AGK: variants seen among roughly 807,000 people sequenced by gnomAD.
AGK encodes acylglycerol kinase, mitochondrial.
Under a neutral mutation model 66.4 loss-of-function variants are expected in AGK, and 52 were observed. That is an observed-to-expected ratio of 0.78 (90% confidence interval 0.63 to 0.99). The LOEUF is 0.99. Among genes scored for constraint, AGK ranks in the 50% least tolerant of loss-of-function variants. The pLI, the probability that AGK is intolerant of heterozygous loss-of-function variation, is 0.00. For synonymous variants in AGK, 182 were observed against 181.1 expected (o/e 1.00, Z -0.04); for missense variants, 451 against 506.6 (o/e 0.89, Z 1.05).
At chr7:141,647,341 CTA>C (rs1369318405) in intron 13 of AGK, among the ~76,000 whole-genome samples, 3 of 152,182 alleles carry the variant, frequency 2.0e-5, no homozygotes, top group African/African-American at 7.2e-5. Context: ...TCGCCATGGT[CTA>C]TGAGGCTCTG....
chr7:141,560,746 A>G (rs1262239627), intron 2 of AGK, among the ~76,000 whole-genome samples: 1 of 151,108 alleles, frequency 6.6e-6, no homozygotes. Context: ...TACTTCGCTT[A>G]GAGTAATGGT....
chr7:141,589,322 A>C (rs891331249), intron 2 of AGK, among the ~76,000 whole-genome samples: 9 of 152,248 alleles, frequency 5.9e-5, no homozygotes, highest in Non-Finnish European at 1.2e-4. Context: ...ACTTGGTACA[A>C]GGTAGTTGCT....
chr7:141,650,120 T>G (rs540076365), intron 14 of AGK, among the ~76,000 whole-genome samples: 2 of 152,374 alleles, frequency 1.3e-5, no homozygotes, highest in East Asian at 3.9e-4. Flanking sequence ...GGATCACACA[T>G]TTCTGCTGCA....
Position 141,633,963 on chromosome 7 carries a change from T to C in AGK, c.651T>C (p.Ala217=). Residue 217 remains alanine, a synonymous_variant, in exon 10 of 16, where the codon GCT becomes GCC. Coordinates refer to ENST00000649286, the MANE Select transcript of AGK (RefSeq NM_018238.4). ...TTCGATGGGGATCTTTCAGAGATGC[T>C]GGCGTCAAAGTTAGCAAGTAAAGGA... ...TGLRWGSFRD[A]GVKVSKYWYL... is the part of the protein sequence containing the mutation. 1 of 1,614,006 alleles carries C rather than the reference T, an allele frequency of 6.2e-7. No individual in the cohort carries two copies. Among genetic ancestry groups the C allele is most frequent in the Non-Finnish European group, 8.5e-7 (1 of 1,179,856 alleles).
At chr7:141,618,139 G>T (rs536721386) in intron 8 of AGK, among the ~76,000 whole-genome samples, 9 of 152,292 alleles carry the variant, frequency 5.9e-5, no homozygotes, top group African/African-American at 2.2e-4. Context: ...ACTGGTTTAG[G>T]TGGATTTGAT....
intron 10 of AGK, 105 bp downstream of exon 10, chr7:141,634,085 G>A: frequency 1.0e-6 from 1 of 968,910 alleles, no homozygotes; most frequent in Non-Finnish European, 1.6e-6. Context: ...TAAATTTGGT[G>A]GGCCTGGAGG....
At chr7:141,640,337 G>T (rs1272417888) in intron 11 of AGK, among the ~76,000 whole-genome samples, 1 of 152,142 alleles carries the variant, frequency 6.6e-6, no homozygotes, top group Non-Finnish European at 1.5e-5. Context: ...GACAAGGACA[G>T]CTGCTGTCAG....
intron 2 of AGK, among the ~76,000 whole-genome samples, chr7:141,577,825 T>C (rs1290218302): frequency 6.6e-6 from 1 of 151,126 alleles, no homozygotes; most frequent in East Asian, 1.9e-4. Flanking sequence ...CTTCTTTTTT[T>C]TTTTTTTTTT....
rs181536665 is a variant in AGK at position 141,578,143 on chromosome 7, C to A, written c.102-15003C>A. Among the ~76,000 whole-genome samples, 19 of 152,204 alleles carry A rather than the reference C, an allele frequency of 1.2e-4. No homozygotes were observed. The East Asian group carries it at 2.9e-3, about 23-fold the overall frequency. ...TGTGAGCAATAAAGCTTTTTAATCA[C>A]CTGGGTGCAGGCGGGCTGAGTCCAA... is the stretch of plus-strand genomic sequence containing the variant. On this transcript the variant is annotated intron_variant, in intron 2 of 15. Coordinates refer to ENST00000649286, the MANE Select transcript of AGK (RefSeq NM_018238.4).
intron 2 of AGK, among the ~76,000 whole-genome samples, chr7:141,575,654 CTTTT>C (rs58292692): frequency 0.022 from 1,258 of 58,068 alleles, 15 homozygotes; most frequent in South Asian, 0.11. Flanking sequence ...TTACAAAGGC[CTTTT>C]TTTTTTTTTT....
intron 13 of AGK, among the ~76,000 whole-genome samples, chr7:141,647,807 A>G (rs76141062): frequency 7.2e-5 from 11 of 152,052 alleles, no homozygotes; most frequent in Non-Finnish European, 1.5e-4. Context: ...AGTAGCTGGG[A>G]TTACAGGCGC....
At chr7:141,652,690 T>G in intron 15 of AGK, 97 bp from the exon 16 acceptor site, 1 of 1,340,762 alleles carries the variant, frequency 7.5e-7, no homozygotes. Context: ...AGGATGTTGT[T>G]TTCCATAATG....
intron 7 of AGK, 130 bp downstream of exon 7, chr7:141,614,308 G>A (rs2116961120): frequency 1.6e-6 from 1 of 629,714 alleles, no homozygotes; most frequent in Non-Finnish European, 2.5e-6. Flanking sequence ...TTGAATTTTA[G>A]AAAAGAAAAT....
At chr7:141,564,994 C>CA (rs1207657355) in intron 2 of AGK, among the ~76,000 whole-genome samples, 1 of 152,084 alleles carries the variant, frequency 6.6e-6, no homozygotes, top group Non-Finnish European at 1.5e-5. Flanking sequence ...CCCAAAGGGC[C>CA]GGGATTAAGG....
chr7:141,580,288 A>G (rs761680253), intron 2 of AGK, among the ~76,000 whole-genome samples: 4 of 152,064 alleles, frequency 2.6e-5, no homozygotes, highest in South Asian at 4.1e-4. Flanking sequence ...GGTAGCTTCA[A>G]TGATAGATGT....
intron 2 of AGK, among the ~76,000 whole-genome samples, chr7:141,586,776 A>T (rs1796002853): frequency 6.6e-6 from 1 of 151,978 alleles, no homozygotes; most frequent in African/African-American, 2.4e-5. Flanking sequence ...GATAAGGAAA[A>T]TTTTTCCTCA....
chr7:141,569,519 G>C (rs569042665), intron 2 of AGK, among the ~76,000 whole-genome samples: 131 of 152,242 alleles, frequency 8.6e-4, no homozygotes, highest in Admixed American at 1.4e-3. Flanking sequence ...GGGCAACAGA[G>C]CAGGACTCTG....
intron 5 of AGK, among the ~76,000 whole-genome samples, chr7:141,607,199 T>C (rs554495060): frequency 2.6e-4 from 39 of 152,202 alleles, no homozygotes; most frequent in Non-Finnish European, 7.4e-5. Context: ...CTGGATAATA[T>C]GATAAGACTA....
chr7:141,615,545 C>T lies in AGK; in HGVS notation c.498C>T (p.Ala166=), dbSNP rs748557845. 9.3e-6 allele frequency: 15 copies of T among 1,613,442 alleles called. No homozygotes were observed. The highest frequency in any genetic ancestry group is 3.3e-4 in the Middle Eastern group (2 of 6,084). The change falls in exon 8 of 16, where the codon GCC becomes GCT. Residue 166 remains alanine (A), a synonymous_variant. Coordinates refer to ENST00000649286, the MANE Select transcript of AGK (RefSeq NM_018238.4). The part of the protein sequence containing the change: ...ETSSLSHTLF[A]ESGNKVQHIT... ...GTAGTTTGAGTCATACCCTCTTTGC[C>T]GAAAGTGGAAACAAAGTCCAGTAGG... is the stretch of plus-strand genomic sequence containing the variant.
Sources: allele counts gnomAD v4.1 joint callset (sites outside exome capture counted in the v4.1 genomes callset), GRCh38; gene constraint gnomAD v4.1.1; transcripts MANE v1.5; gene names NCBI Gene and HGNC (gene_info 2026-07-23, HGNC 2026-07-21).